The following PPP2R1B variants were observed in gnomAD, a reference collection of about 807,000 sequenced individuals.
The protein encoded by PPP2R1B is serine/threonine-protein phosphatase 2A 65 kDa regulatory subunit A beta isoform.
A neutral mutation model predicts 72.7 loss-of-function variants in PPP2R1B; 58 were observed. The ratio of observed to expected loss-of-function variants is 0.80; its 90% CI spans 0.65 to 0.99. The LOEUF (loss-of-function observed/expected upper bound fraction) is 0.99, where lower values mean the gene tolerates loss of function less well. Among genes scored for constraint, PPP2R1B ranks in the 50% least tolerant of loss-of-function variants. The probability of loss-of-function intolerance (pLI) is 0.00; values close to 1 mark genes in which losing one functional copy is unlikely to be tolerated. For synonymous variants in PPP2R1B, 256 were observed against 264.6 expected, an observed-to-expected ratio of 0.97 and a Z score of 0.32; for missense variants, 695 against 733.6, an observed-to-expected ratio of 0.95 and a Z score of 0.61.
the PPP2R1B span, among the ~76,000 whole-genome samples, chr11:111,715,063 G>C: frequency 6.6e-6 from 1 of 152,204 alleles, no homozygotes; most frequent in Admixed American, 6.5e-5. Flanking sequence ...ACTGTAACCA[G>C]AAAACAGGCA....
In PPP2R1B at chr11:111,759,792, G is replaced by T; in HGVS notation, c.687+12C>A. ...CATATCTGTGTCCCTTAAATACTAA[G>T]AGTTAGTTTACCTGTTCATCTGAAG... is the stretch of plus-strand genomic sequence containing the variant. On this transcript the variant is annotated intron_variant, in intron 5 of 14. Coordinates refer to ENST00000527614, the MANE Select transcript of PPP2R1B (RefSeq NM_002716.5). The T allele has an allele frequency of 6.2e-7, 1 of 1,605,074 alleles. No homozygotes were observed. The highest frequency in any genetic ancestry group is 1.1e-5 in the South Asian group (1 of 90,044).
At chr11:111,749,092 G>A (rs1364475548) in intron 10 of PPP2R1B, among the ~76,000 whole-genome samples, 2 of 152,002 alleles carry the variant, frequency 1.3e-5, no homozygotes, top group East Asian at 1.9e-4. Context: ...TGATCCGTCC[G>A]CCTCAGCCTC....
intron 15 of PPP2R1B, chr11:111,728,937 A>C (rs1424666181): frequency 1.3e-5 from 2 of 152,160 alleles, no homozygotes; most frequent in African/African-American, 4.8e-5. Context: ...AAAAAAAAAA[A>C]AGACAAGAGC....
chr11:111,697,243 A>G, the PPP2R1B span, among the ~76,000 whole-genome samples: 1 of 152,336 alleles, frequency 6.6e-6, no homozygotes, highest in Non-Finnish European at 1.5e-5. Flanking sequence ...AGAAGAAATT[A>G]TCTTCAGAGA....
chr11:111,762,260 A>G (rs1006725671), intron 3 of PPP2R1B, among the ~76,000 whole-genome samples: 9 of 152,192 alleles, frequency 5.9e-5, no homozygotes, highest in African/African-American at 1.9e-4. Context: ...GTCTAATAAT[A>G]TATTTTAAAA....
intron 8 of PPP2R1B, 33 bp downstream of exon 8, chr11:111,754,464 TAA>T (rs1321879802): frequency 6.3e-7 from 1 of 1,583,040 alleles, no homozygotes; most frequent in African/African-American, 1.4e-5. Flanking sequence ...TACCTTCATA[TAA>T]AAGAGAGTGA....
chr11:111,723,580 C>T (rs1943867806), downstream of PPP2R1B: 1 of 1,614,224 alleles, frequency 6.2e-7, no homozygotes, highest in Non-Finnish European at 8.5e-7. Context: ...AGAGCTCCTA[C>T]CCACAGCCAA....
chr11:111,761,063 A>G lies in PPP2R1B; in HGVS notation c.307-12T>C, dbSNP rs782206559. On this transcript the variant is annotated splice_polypyrimidine_tract_variant and intron_variant, in intron 3 of 14. Coordinates refer to ENST00000527614, the MANE Select transcript of PPP2R1B (RefSeq NM_002716.5). ...TTTTCCAAAGGAGGCTGAATGGATT[A>G]AAAAGGAAAACCAGAGAAGAAAACT... is the stretch of plus-strand genomic sequence containing the variant. 7.5e-6 allele frequency: 12 copies of G among 1,605,616 alleles called. No individual in the cohort carries two copies. The highest frequency in any genetic ancestry group is 8.5e-6 in the Non-Finnish European group (10 of 1,173,120).
the PPP2R1B span, among the ~76,000 whole-genome samples, chr11:111,690,427 T>G: frequency 6.6e-6 from 1 of 151,732 alleles, no homozygotes. Context: ...GAGAACTATT[T>G]TATTTATTTT....
intron 1 of PPP2R1B, 144 bp downstream of exon 1, chr11:111,766,104 G>T: frequency 1.3e-6 from 1 of 760,644 alleles, no homozygotes. Flanking sequence ...CCCTCGCGGA[G>T]CATTCCCCGC....
Position 111,739,789 on chromosome 11 carries a change from GT to G in PPP2R1B, c.*1806del. The stretch of plus-strand genomic sequence containing the variant: ...AGACTCATGAAACTAAAATTAAAAT[GT>G]TTACAGAATAATAGCATAAGATATT... On this transcript the variant is annotated 3_prime_UTR_variant, in exon 15 of 15. Coordinates refer to ENST00000527614, the MANE Select transcript of PPP2R1B (RefSeq NM_002716.5). The G allele has an allele frequency of 2.2e-5, 21 of 968,546 alleles. No homozygotes were observed. Among genetic ancestry groups the G allele is most frequent in the Non-Finnish European group, 2.6e-5 (21 of 814,662 alleles). The allele number at this position is 968,546 out of a possible 1,614,324, so 60.0% of individuals were successfully genotyped here. A position where few individuals can be genotyped will look rare whatever the true frequency, so the allele number is the denominator to read the frequency against.
chr11:111,742,319 G>GA, intron 13 of PPP2R1B, 175 bp from the exon 14 acceptor site: 1 of 597,564 alleles, frequency 1.7e-6, no homozygotes, highest in Non-Finnish European at 2.5e-6. Context: ...ATCAGCTTCA[G>GA]ACAAGGATCT....
chr11:111,721,015 G>A, the PPP2R1B span: 2 of 1,614,030 alleles, frequency 1.2e-6, no homozygotes, highest in South Asian at 2.2e-5. Flanking sequence ...CCCTAACCTG[G>A]CGCCGGCGGC....
Position 111,739,807 on chromosome 11 carries a change from T to A in PPP2R1B, c.*1789A>T. 7 of 968,666 alleles carry A rather than the reference T, an allele frequency of 7.2e-6. No homozygotes were observed. The highest frequency in any genetic ancestry group is 8.6e-6 in the Non-Finnish European group (7 of 814,728). 60.0% of individuals were successfully genotyped at this position (968,666 alleles called of 1,614,324 possible). A position where few individuals can be genotyped will look rare whatever the true frequency, so the allele number is the denominator to read the frequency against. On this transcript the variant is annotated 3_prime_UTR_variant, in exon 15 of 15. Coordinates refer to ENST00000527614, the MANE Select transcript of PPP2R1B (RefSeq NM_002716.5). ...TTAAAATGTTTACAGAATAATAGCA[T>A]AAGATATTAAAATGAGAATATAGAA...
At chr11:111,724,032 AC>A (rs1943891184), downstream of PPP2R1B, 1 of 1,614,072 alleles carries the variant, frequency 6.2e-7, no homozygotes, top group Non-Finnish European at 8.5e-7. Flanking sequence ...CCCTCCAGCT[AC>A]GACCCACTAG....
At chr11:111,742,934 T>C (rs964867894) in intron 12 of PPP2R1B, among the ~76,000 whole-genome samples, 8 of 151,720 alleles carry the variant, frequency 5.3e-5, no homozygotes, top group African/African-American at 1.9e-4. Flanking sequence ...AGCTGGAGTG[T>C]AGTGGCGCGA....
At chr11:111,718,761 G>A in the PPP2R1B span, 19 of 152,210 alleles carry the variant, frequency 1.2e-4, no homozygotes, top group African/African-American at 4.6e-4. Flanking sequence ...TGTTTTCCAG[G>A]TGAAAGTACT....
chr11:111,762,581 G>A (rs555037925), intron 3 of PPP2R1B, among the ~76,000 whole-genome samples: 3 of 150,672 alleles, frequency 2.0e-5, no homozygotes, highest in Admixed American at 2.0e-4. Flanking sequence ...TAAGAGACAG[G>A]GTCTTGCTCT....
chr11:111,734,084 C>T (rs989452497), downstream of PPP2R1B, among the ~76,000 whole-genome samples: 4 of 152,214 alleles, frequency 2.6e-5, no homozygotes, highest in African/African-American at 9.6e-5. Flanking sequence ...GCTGGTTTCA[C>T]CCCAGGGTTT....
Sources: allele counts gnomAD v4.1 joint callset (sites outside exome capture counted in the v4.1 genomes callset), GRCh38; gene constraint gnomAD v4.1.1; transcripts MANE v1.5; gene names NCBI Gene and HGNC (gene_info 2026-07-23, HGNC 2026-07-21).